The following SLC39A11 variants were observed in gnomAD, a reference collection of about 807,000 sequenced individuals.
SLC39A11 encodes zinc transporter ZIP11.
In SLC39A11, 33 loss-of-function variants were observed where a neutral mutation model predicts 36.1. The observed-to-expected ratio is 0.91, with a 90% CI of 0.69 to 1.22. The LOEUF is 1.22. Among genes scored for constraint, SLC39A11 ranks in the 50% most tolerant of loss-of-function variants. SLC39A11 has a pLI of 0.00. For missense variants in SLC39A11, 432 were observed against 430.3 expected, an observed-to-expected ratio of 1.00 and a Z score of -0.03; for synonymous variants, 166 against 170.3, an observed-to-expected ratio of 0.97 and a Z score of 0.20.
chr17:72,800,123 T>G (rs930876712), intron 6 of SLC39A11, among the ~76,000 whole-genome samples: 1 of 151,800 alleles, frequency 6.6e-6, no homozygotes, highest in Non-Finnish European at 1.5e-5. Context: ...CCAATACATG[T>G]CTATGTGAGA....
chr17:72,803,036 T>A (rs925153824), intron 6 of SLC39A11, among the ~76,000 whole-genome samples: 10 of 152,242 alleles, frequency 6.6e-5, no homozygotes, highest in African/African-American at 2.4e-4. Context: ...CCGTCCTTTC[T>A]ATCAAACAAA....
chr17:72,676,749 C>T (rs950992948), intron 7 of SLC39A11, among the ~76,000 whole-genome samples: 1 of 152,146 alleles, frequency 6.6e-6, no homozygotes, highest in Non-Finnish European at 1.5e-5. Flanking sequence ...GCTCGCTTCA[C>T]TTATGGAAGT....
chr17:72,674,530 C>A (rs1306065017), intron 7 of SLC39A11, among the ~76,000 whole-genome samples: 3 of 152,140 alleles, frequency 2.0e-5, no homozygotes, highest in Non-Finnish European at 4.4e-5. Context: ...GTTTCATATT[C>A]TTGGAGGTGT....
At chr17:72,672,299 A>C (rs992745936) in intron 7 of SLC39A11, among the ~76,000 whole-genome samples, 3 of 152,184 alleles carry the variant, frequency 2.0e-5, no homozygotes, top group East Asian at 1.9e-4. Flanking sequence ...AAATACAAAA[A>C]TTGGCCAGGC....
At chr17:72,684,648 A>G (rs2071663521) in intron 7 of SLC39A11, among the ~76,000 whole-genome samples, 1 of 152,118 alleles carries the variant, frequency 6.6e-6, no homozygotes, top group South Asian at 2.1e-4. Flanking sequence ...CACCACTATC[A>G]TCCACCCCCA....
At position 72,723,732 on chromosome 17, in the gene SLC39A11, G is replaced by C. The variant is rs143216976; in HGVS notation, c.671+12918C>G. Among the ~76,000 whole-genome samples the C allele has an allele frequency of 5.1e-3, 783 of 152,314 alleles. 5 individuals are homozygous for C. Among genetic ancestry groups the C allele is most frequent in the South Asian group, 0.016 (76 of 4,828 alleles). On this transcript the variant is annotated intron_variant, in intron 7 of 9. Coordinates refer to ENST00000255559, the MANE Select transcript of SLC39A11 (RefSeq NM_139177.4). ...CCAGACACAGACGAAGCCAGACCAA[G>C]ATGGAACCTTGTGGGCAATCTCAGG...
intron 4 of SLC39A11, among the ~76,000 whole-genome samples, chr17:73,000,686 G>A (rs1180053743): frequency 6.6e-6 from 1 of 152,142 alleles, no homozygotes; most frequent in African/African-American, 2.4e-5. Context: ...CCTGACTGAG[G>A]AACACACTCA....
chr17:72,887,788 C>T (rs756784267), intron 5 of SLC39A11, among the ~76,000 whole-genome samples: 7 of 108,528 alleles, frequency 6.4e-5, no homozygotes, highest in East Asian at 4.2e-4. Flanking sequence ...AATTTAGAAA[C>T]GAAAAAAAAA....
At chr17:72,650,002 G>A (rs920553023) in intron 7 of SLC39A11, among the ~76,000 whole-genome samples, 2 of 152,224 alleles carry the variant, frequency 1.3e-5, no homozygotes, top group African/African-American at 2.4e-5. Flanking sequence ...ATAGAGAGGT[G>A]CTTAATGCAT....
chr17:72,755,802 C>T (rs2144432654), intron 6 of SLC39A11, among the ~76,000 whole-genome samples: 1 of 152,310 alleles, frequency 6.6e-6, no homozygotes, highest in Non-Finnish European at 1.5e-5. Context: ...GGGTGCTTCT[C>T]TCCTCAGCTG....
intron 3 of SLC39A11, among the ~76,000 whole-genome samples, chr17:73,044,391 G>A (rs969043235): frequency 2.0e-5 from 3 of 152,162 alleles, no homozygotes; most frequent in Non-Finnish European, 4.4e-5. Flanking sequence ...CTATCATGCC[G>A]ACATTGGATG....
chr17:72,676,319 A>G (rs1483187468), intron 7 of SLC39A11, among the ~76,000 whole-genome samples: 2 of 152,178 alleles, frequency 1.3e-5, no homozygotes, highest in African/African-American at 4.8e-5. Flanking sequence ...TGAAGTAAAA[A>G]TCCCAGAAGG....
intron 4 of SLC39A11, among the ~76,000 whole-genome samples, chr17:72,974,021 C>T (rs2087650422): frequency 1.3e-5 from 2 of 152,184 alleles, no homozygotes; most frequent in Admixed American, 6.5e-5. Context: ...AGGATCATAA[C>T]AGAGTGAAAG....
At chr17:72,792,988 G>T (rs181392117) in intron 6 of SLC39A11, among the ~76,000 whole-genome samples, 1 of 152,154 alleles carries the variant, frequency 6.6e-6, no homozygotes, top group Non-Finnish European at 1.5e-5. Flanking sequence ...CCGGCGGGGT[G>T]GGGGCGAGGG....
chr17:72,689,454 C>G (rs2071917640), intron 7 of SLC39A11, among the ~76,000 whole-genome samples: 1 of 151,924 alleles, frequency 6.6e-6, no homozygotes. Flanking sequence ...ATACACCATA[C>G]AGAAATGGAA....
intron 7 of SLC39A11, among the ~76,000 whole-genome samples, chr17:72,656,225 T>G (rs2070112244): frequency 6.6e-6 from 1 of 152,212 alleles, no homozygotes; most frequent in Non-Finnish European, 1.5e-5. Context: ...AGCTGCTGTC[T>G]TCTGGGTTCT....
intron 3 of SLC39A11, among the ~76,000 whole-genome samples, chr17:73,080,955 AAAATAAAT>A (rs137991770): frequency 0.01 from 1,518 of 146,994 alleles, 23 homozygotes; most frequent in South Asian, 0.059. Context: ...AAAAAACAAT[AAAATAAAT>A]AAATAAATAA....
intron 5 of SLC39A11, among the ~76,000 whole-genome samples, chr17:72,915,389 C>A (rs2083274172): frequency 2.0e-5 from 3 of 152,210 alleles, no homozygotes; most frequent in African/African-American, 7.2e-5. Context: ...CCCTGCCTCG[C>A]TTTTCCTGAG....
intron 6 of SLC39A11, among the ~76,000 whole-genome samples, chr17:72,757,199 A>G (rs1349390445): frequency 4.6e-5 from 7 of 151,938 alleles, no homozygotes; most frequent in Admixed American, 3.9e-4. Context: ...AAAATAAAAT[A>G]AAAAGAAAAA....
Sources: gnomAD v4.1 joint callset for allele counts (sites outside exome capture counted in the v4.1 genomes callset) on GRCh38, gnomAD v4.1.1 for gene constraint, MANE v1.5 for transcripts, NCBI Gene and HGNC (gene_info 2026-07-23, HGNC 2026-07-21) for gene names.